LIX1L: variants seen among roughly 807,000 people sequenced by gnomAD.
LIX1L encodes the protein limb and CNS expressed 1 like.
Under a neutral mutation model 34.0 loss-of-function variants are expected in LIX1L, and 20 were observed. The observed-to-expected ratio is 0.59, with a 90% CI of 0.41 to 0.85. The LOEUF is 0.85. LIX1L is among the 40% of genes least tolerant of loss of function. LIX1L has a pLI of 0.00. For missense variants in LIX1L, 397 were observed against 447.0 expected, an observed-to-expected ratio of 0.89 and a Z score of 1.01; for synonymous variants, 170 against 187.4, an observed-to-expected ratio of 0.91 and a Z score of 0.76.
chr1:145,936,343 C>T lies in LIX1L; in HGVS notation c.981G>A (p.Gly327=). The T allele has an allele frequency of 6.2e-7, 1 of 1,614,094 alleles. No homozygotes were observed. The highest frequency in any genetic ancestry group is 8.5e-7 in the Non-Finnish European group (1 of 1,180,026). The change falls in exon 6 of 6, where the codon GGG becomes GGA. Residue 327 remains glycine (G), a synonymous_variant. Coordinates refer to ENST00000604000, the MANE Select transcript of LIX1L (RefSeq NM_153713.3). ...EKKDILVLAA[G]QLGNMHSSNC ...TGGAAGAATGCATATTGCCCAACTG[C>T]CCAGCAGCCAGCACAAGAATATCTT...
At chr1:145,936,856 C>T (rs1553757880) in intron 5 of LIX1L, 52 bp downstream of exon 5, 8 of 1,209,174 alleles carry the variant, frequency 6.6e-6, no homozygotes, top group Non-Finnish European at 9.9e-6. Context: ...TCAAAAGAGT[C>T]CACTGACAGA....
At chr1:145,943,644 T>C (rs1649001560) in intron 2 of LIX1L, among the ~76,000 whole-genome samples, 1 of 152,196 alleles carries the variant, frequency 6.6e-6, no homozygotes, top group Non-Finnish European at 1.5e-5. Flanking sequence ...ATAGTATTCC[T>C]TTATAATTCA....
At position 145,936,339 on chromosome 1, in the gene LIX1L, A is replaced by G. The variant is rs1648641819; in HGVS notation, c.985T>C (p.Leu329=). The stretch of plus-strand genomic sequence containing the variant: ...CAGTTGGAAGAATGCATATTGCCCA[A>G]CTGCCCAGCAGCCAGCACAAGAATA... ...KDILVLAAGQ[L]GNMHSSNC Residue 329 remains leucine (L), a synonymous_variant, in exon 6 of 6, where the codon TTG becomes CTG. Coordinates refer to ENST00000604000, the MANE Select transcript of LIX1L (RefSeq NM_153713.3). 6.2e-7 allele frequency: 1 copy of G among 1,614,176 alleles called. No homozygotes were observed. Among genetic ancestry groups the G allele is most frequent in the Non-Finnish European group, 8.5e-7 (1 of 1,180,034 alleles).
chr1:145,933,945 C>A lies in LIX1L; in HGVS notation c.*2365G>T. On this transcript the variant is annotated 3_prime_UTR_variant, in exon 6 of 6. Transcript: ENST00000604000. ...GCCTTTCATCTTGCCCCTATCAAAT[C>A]CAAAAGAGCCAATTATAGCCTGTTT... 1 of 152,318 alleles carries A rather than the reference C, an allele frequency of 6.6e-6. No homozygotes were observed. The highest frequency in any genetic ancestry group is 1.9e-4 in the East Asian group (1 of 5,220). 9.4% of individuals were successfully genotyped at this position (152,318 alleles called of 1,614,324 possible).
intron 1 of LIX1L, among the ~76,000 whole-genome samples, chr1:145,950,916 G>A (rs148932469): frequency 7.9e-5 from 12 of 152,344 alleles, no homozygotes; most frequent in African/African-American, 1.9e-4. Context: ...GCTCCCTGCA[G>A]CAGGCAATGA....
intron 2 of LIX1L, among the ~76,000 whole-genome samples, chr1:145,943,799 G>A (rs61814238): frequency 2.0e-5 from 3 of 152,032 alleles, no homozygotes. Flanking sequence ...ACTTTGGGAG[G>A]CCAAGGCAGG....
rs1553757540 is a variant in LIX1L at position 145,934,943 on chromosome 1, G to A, written c.*1367C>T. The A allele has an allele frequency of 6.6e-6, 1 of 152,012 alleles. No homozygotes were observed. The highest frequency in any genetic ancestry group is 2.4e-5 in the African/African-American group (1 of 41,378). 9.4% of individuals were successfully genotyped at this position (152,012 alleles called of 1,614,324 possible). ...GCACTTTGGGAGGCTGAGGCGGGTG[G>A]ATTACCTTATGTCAGGAGTTCAAGA... On this transcript the variant is annotated 3_prime_UTR_variant, in exon 6 of 6. Coordinates refer to ENST00000604000, the MANE Select transcript of LIX1L (RefSeq NM_153713.3).
chr1:145,942,602 G>T, intron 3 of LIX1L, 111 bp downstream of exon 3: 1 of 969,108 alleles, frequency 1.0e-6, no homozygotes, highest in Non-Finnish European at 1.6e-6. Flanking sequence ...CAGAGAGGTG[G>T]ACCAGAAAGA....
At position 145,936,502 on chromosome 1, in the gene LIX1L, G is replaced by T. The variant is rs782438669; in HGVS notation, c.822C>A (p.His274Gln). ...SHRALDDDIRHQMALDWVSRE... is the reference protein window; with the variant it reads ...SHRALDDDIRQQMALDWVSRE... Reference sequence around the variant, plus strand: ...GGCTCACCCAGTCCAAGGCCATTTGGTGGCGAATATCATCATCCAGGGCCC... The same window carrying T: ...GGCTCACCCAGTCCAAGGCCATTTGTTGGCGAATATCATCATCCAGGGCCC... The change falls in exon 6 of 6, where the codon CAC becomes CAA. Residue 274 changes from histidine (H) to glutamine (Q), a missense_variant. Physicochemically the swap from His to Gln is conservative, Grantham distance 24. Around this residue, in one of 3 missense-constraint regions of LIX1L, gnomAD observed 174 missense variants for 204.0 expected, o/e 0.85. Transcript: ENST00000604000. 1.2e-6 allele frequency: 2 copies of T among 1,614,060 alleles called. No individual in the cohort carries two copies. Among genetic ancestry groups the T allele is most frequent in the African/African-American group, 2.7e-5 (2 of 74,918 alleles).
intron 1 of LIX1L, among the ~76,000 whole-genome samples, chr1:145,949,479 A>G (rs957626476): frequency 2.0e-5 from 3 of 152,166 alleles, no homozygotes; most frequent in South Asian, 4.1e-4. Flanking sequence ...CCATATGGCT[A>G]TGAAAGAGTG....
chr1:145,940,449 C>T (rs587658157), intron 3 of LIX1L, among the ~76,000 whole-genome samples: 1 of 150,452 alleles, frequency 6.6e-6, no homozygotes, highest in African/African-American at 2.4e-5. Flanking sequence ...CAGGTTCAAG[C>T]GAGTCTCATT....
intron 2 of LIX1L, among the ~76,000 whole-genome samples, chr1:145,946,710 T>C (rs139410162): frequency 1.4e-4 from 22 of 152,284 alleles, no homozygotes; most frequent in African/African-American, 4.8e-4. Flanking sequence ...CTATGGAACA[T>C]AGTCCACTAG....
At chr1:145,939,741 G>A (rs1553758351) in intron 3 of LIX1L, 1 of 148,464 alleles carries the variant, frequency 6.7e-6, no homozygotes, top group Non-Finnish European at 1.5e-5. Context: ...TCACTCAAGT[G>A]ATACTCCTGT....
chr1:145,955,946 T>G (rs142634542), intron 1 of LIX1L, among the ~76,000 whole-genome samples: 3 of 152,310 alleles, frequency 2.0e-5, no homozygotes, highest in East Asian at 3.9e-4. Flanking sequence ...GGGTGTACTC[T>G]TCTATAATTT....
chr1:145,938,835 G>T (rs1448632595), intron 3 of LIX1L, among the ~76,000 whole-genome samples: 1 of 152,104 alleles, frequency 6.6e-6, no homozygotes, highest in Non-Finnish European at 1.5e-5. Flanking sequence ...TGATCTGCCT[G>T]TCTTGGCCTC....
In LIX1L at chr1:145,957,799, C is replaced by T; in HGVS notation, c.129G>A (p.Pro43=). 1 of 1,344,728 alleles carries T rather than the reference C, an allele frequency of 7.4e-7. No individual in the cohort carries two copies. The highest frequency in any genetic ancestry group is 9.5e-7 in the Non-Finnish European group (1 of 1,052,106). 83.3% of individuals were successfully genotyped at this position (1,344,728 alleles called of 1,614,324 possible). Reference sequence around the variant, plus strand: ...GCGGTGCGGGAGGCGGCGGGGCAGGCGGGGGGCCCGCAGGGGGTGTGGCGG... The same window carrying T: ...GCGGTGCGGGAGGCGGCGGGGCAGGTGGGGGGCCCGCAGGGGGTGTGGCGG... The part of the protein sequence containing the change: ...AATATPPAGP[P]PAPPPPAPPP... The change falls in exon 1 of 6, where the codon CCG becomes CCA. Residue 43 remains proline, a synonymous_variant. Coordinates refer to ENST00000604000, the MANE Select transcript of LIX1L (RefSeq NM_153713.3).
intron 1 of LIX1L, among the ~76,000 whole-genome samples, chr1:145,957,369 AAAGG>A (rs1209941008): frequency 2.6e-5 from 4 of 152,228 alleles, no homozygotes; most frequent in Non-Finnish European, 5.9e-5. Context: ...TTCCATTTCT[AAAGG>A]AGAAAAGCTT....
intron 3 of LIX1L, among the ~76,000 whole-genome samples, chr1:145,938,897 C>T (rs1403998357): frequency 6.6e-6 from 1 of 151,682 alleles, no homozygotes; most frequent in Non-Finnish European, 1.5e-5. Context: ...CCAGCATTTA[C>T]ATGTATTAGG....
At chr1:145,937,420 A>G in intron 4 of LIX1L, 184 bp downstream of exon 4, 1 of 456,924 alleles carries the variant, frequency 2.2e-6, no homozygotes, top group Non-Finnish European at 3.9e-6. Context: ...CAGCCTCCCA[A>G]AGTGCTGGGA....
Sources: allele counts gnomAD v4.1 joint callset (sites outside exome capture counted in the v4.1 genomes callset), GRCh38; gene constraint gnomAD v4.1.1; regional missense constraint gnomAD v4.1.1; transcripts MANE v1.5; gene names NCBI Gene and HGNC (gene_info 2026-07-23, HGNC 2026-07-21).